Variants in ALMS1 observed in about 807,000 individuals in gnomAD.
ALMS1 encodes ALMS1 centrosome and basal body associated protein, also known as centrosome-associated protein ALMS1.
ALMS1 carries 271 observed loss-of-function variants against 352.2 expected under a neutral mutation model. That is an observed-to-expected ratio of 0.77 (90% CI 0.70 to 0.85). The LOEUF (loss-of-function observed/expected upper bound fraction) is 0.85. ALMS1 is among the 40% of genes least tolerant of loss of function. The pLI, the probability that ALMS1 is intolerant of heterozygous loss-of-function variation, is 0.00. For missense variants in ALMS1, 5,445 were observed against 4,870.7 expected, an observed-to-expected ratio of 1.12 and a Z score of -3.51; for synonymous variants, 1,865 against 1,761.2, an observed-to-expected ratio of 1.06 and a Z score of -1.48.
At position 73,490,724 on chromosome 2, in the gene ALMS1, T is replaced by C. The variant is rs201738475; in HGVS notation, c.8765T>C (p.Ile2922Thr). The C allele has an allele frequency of 5.2e-5, 84 of 1,614,064 alleles. No individual in the cohort carries two copies. In the African/African-American group the frequency reaches 9.6e-4, roughly 18 times the overall value. Residue 2922 changes from isoleucine (I) to threonine (T), a missense_variant, in exon 10 of 23, where the codon ATT becomes ACT. Transcript: ENST00000613296. ...DYVAPDLPSC[I>T]FLEQRELFEQ... ...GTAGCTCCAGACCTTCCTTCTTGCATTTTTCTTGAACAACGAGAACTCTTT... is the reference window on the plus strand; with the variant it reads ...GTAGCTCCAGACCTTCCTTCTTGCACTTTTCTTGAACAACGAGAACTCTTT...
chr2:73,521,904 G>A (rs1038753646), intron 11 of ALMS1, among the ~76,000 whole-genome samples: 5 of 152,148 alleles, frequency 3.3e-5, no homozygotes, highest in Non-Finnish European at 5.9e-5. Context: ...TGGGTCAAAA[G>A]TAAAATTTTA....
At chr2:73,552,425 A>G (rs966517479) in intron 13 of ALMS1, among the ~76,000 whole-genome samples, 5 of 152,230 alleles carry the variant, frequency 3.3e-5, no homozygotes, top group African/African-American at 9.6e-5. Context: ...GTTGAAACAG[A>G]TAAGCCTAAG....
At chr2:73,408,862 G>GTA (rs1300532075) in intron 2 of ALMS1, 115 bp downstream of exon 2, 17 of 177,832 alleles carry the variant, frequency 9.6e-5, no homozygotes, top group Non-Finnish European at 1.3e-4. Context: ...ATGTTTTCTT[G>GTA]TCTTTTTTTT....
At position 73,534,822 on chromosome 2, in the gene ALMS1, AG is replaced by A. The variant is rs1673992206; in HGVS notation, c.9782del. 1 of 1,613,056 alleles carries A rather than the reference AG, an allele frequency of 6.2e-7. No individual in the cohort carries two copies. The highest frequency in any genetic ancestry group is 1.1e-5 in the South Asian group (1 of 91,046). On this transcript the variant is annotated splice_acceptor_variant, in intron 11 of 22. Transcript: ENST00000613296. LOFTEE classifies it high-confidence loss of function. ...TAATTGTTCTGATTTTTACCTCCTT[AG>A]GCCAGCCTTTATTATTGCCATATAA...
intron 1 of ALMS1, among the ~76,000 whole-genome samples, chr2:73,397,765 A>G (rs1178231421): frequency 1.3e-5 from 2 of 152,114 alleles, no homozygotes; most frequent in African/African-American, 4.8e-5. Flanking sequence ...TTTGCTTTTA[A>G]ACAGACTTTA....
At position 73,453,438 on chromosome 2, in the gene ALMS1, A is replaced by G. The variant is rs1265138720; in HGVS notation, c.6911A>G (p.Lys2304Arg). The change falls in exon 8 of 23, where the codon AAA (lysine) becomes AGA (arginine). Residue 2304 changes from lysine (K) to arginine (R), a missense_variant. Coordinates refer to ENST00000613296, the MANE Select transcript of ALMS1 (RefSeq NM_001378454.1). The stretch of plus-strand genomic sequence containing the variant: ...CAATCTAAGAAGGTGGTTTGCTTCA[A>G]AGAACCCTCTTCCACGGGTGTATCT... ...FIQSKKVVCF[K>R]EPSSTGVSNG... The G allele has an allele frequency of 6.2e-7, 1 of 1,613,228 alleles. No individual in the cohort carries two copies. Among genetic ancestry groups the G allele is most frequent in the Non-Finnish European group, 8.5e-7 (1 of 1,179,578 alleles).
intron 20 of ALMS1, 116 bp downstream of exon 20, chr2:73,602,484 C>T: frequency 3.2e-6 from 4 of 1,267,036 alleles, no homozygotes; most frequent in Non-Finnish European, 3.4e-6. Flanking sequence ...AGACAGTGAC[C>T]TTTTGCTTGC....
At chr2:73,532,044 T>C (rs1023604457) in intron 11 of ALMS1, among the ~76,000 whole-genome samples, 3 of 152,236 alleles carry the variant, frequency 2.0e-5, no homozygotes, top group African/African-American at 7.2e-5. Flanking sequence ...TCCAGAAGAA[T>C]TCTCTGGATT....
chr2:73,573,059 A>G lies in ALMS1; in HGVS notation c.11182A>G (p.Asn3728Asp), dbSNP rs1674976303. ...KYILSKQPGF[N>D]YISNTSSDCR... The stretch of plus-strand genomic sequence containing the variant: ...TATTCTGAGTAAACAGCCAGGTTTT[A>G]ATTATATAAGCAACACTTCTTCGGA... The change falls in exon 16 of 23, where the codon AAT becomes GAT. Residue 3728 changes from asparagine (N) to aspartate (D), a missense_variant. By Grantham distance (23) the Asn-to-Asp change is conservative. Coordinates refer to ENST00000613296, the MANE Select transcript of ALMS1 (RefSeq NM_001378454.1). 3.1e-6 allele frequency: 5 copies of G among 1,613,986 alleles called. No individual in the cohort carries two copies. In the South Asian group the frequency reaches 5.5e-5, roughly 18 times the overall value.
Position 73,426,542 on chromosome 2 carries a change from C to G in ALMS1, c.1327C>G (p.Leu443Val). ...TGTATGCAGTGAAAGAGTTGCTGAA[C>G]TACAAAGAAAGGTGAGACACAATAA... ...AVVCSERVAE[L>V]QRKPTRESEY... Residue 443 changes from leucine to valine, a missense_variant, in exon 6 of 23, where the codon CTA becomes GTA. Coordinates refer to ENST00000613296, the MANE Select transcript of ALMS1 (RefSeq NM_001378454.1). 6.2e-7 allele frequency: 1 copy of G among 1,613,974 alleles called. No homozygotes were observed. Among genetic ancestry groups the G allele is most frequent in the Admixed American group, 1.7e-5 (1 of 60,024 alleles).
chr2:73,411,431 C>T (rs1283403968), intron 2 of ALMS1, among the ~76,000 whole-genome samples: 2 of 152,114 alleles, frequency 1.3e-5, no homozygotes, highest in African/African-American at 2.4e-5. Flanking sequence ...TAGTTTGTGT[C>T]ACTTTGTTAT....
chr2:73,467,814 G>T (rs1320651398), intron 9 of ALMS1, among the ~76,000 whole-genome samples: 1 of 151,966 alleles, frequency 6.6e-6, no homozygotes, highest in African/African-American at 2.4e-5. Flanking sequence ...ACACGTTATG[G>T]TTAGCAAAAA....
rs777844728 is a variant in ALMS1 at position 73,385,932 on chromosome 2, G to GAGA, written c.66_67insAAG (p.Glu22_Glu23insLys). The GAGA allele has an allele frequency of 3.2e-5, 35 of 1,096,162 alleles. No homozygotes were observed. The highest frequency in any genetic ancestry group is 3.0e-5 in the Non-Finnish European group (22 of 736,428). The allele number at this position is 1,096,162 out of a possible 1,614,324, so 67.9% of individuals were successfully genotyped here. ...GGAGGAGGAGGAGGAGGAGGAGGAG[G>GAGA]AGGAGGAGGAAGAGGAGGAGGCTGC... On this transcript the variant is annotated inframe_insertion, in exon 1 of 23. Coordinates refer to ENST00000613296, the MANE Select transcript of ALMS1 (RefSeq NM_001378454.1).
chr2:73,477,911 A>C (rs932006878), intron 9 of ALMS1, among the ~76,000 whole-genome samples: 1 of 152,116 alleles, frequency 6.6e-6, no homozygotes, highest in Non-Finnish European at 1.5e-5. Context: ...TCATCTGCAA[A>C]TAGATATAGT....
At chr2:73,391,385 C>T (rs979936017) in intron 1 of ALMS1, among the ~76,000 whole-genome samples, 2 of 147,076 alleles carry the variant, frequency 1.4e-5, no homozygotes, top group Non-Finnish European at 3.0e-5. Flanking sequence ...ACTCAGCCTC[C>T]CGAGTTCATG....
Position 73,603,235 on chromosome 2 carries a change from G to A in ALMS1, c.12299-6G>A, listed in dbSNP as rs771317399. 2 of 1,613,836 alleles carry A rather than the reference G, an allele frequency of 1.2e-6. No homozygotes were observed. The highest frequency in any genetic ancestry group is 2.7e-5 in the African/African-American group (2 of 74,888). On this transcript the variant is annotated splice_region_variant and splice_polypyrimidine_tract_variant and intron_variant, in intron 20 of 22. Coordinates refer to ENST00000613296, the MANE Select transcript of ALMS1 (RefSeq NM_001378454.1). ...TCCACTGAAAACCCTTTCTTCTCTT[G>A]CCTAGTCTTCCTGGCTATCCAGAAG...
intron 6 of ALMS1, among the ~76,000 whole-genome samples, chr2:73,429,957 G>C (rs901464713): frequency 6.6e-6 from 1 of 151,966 alleles, no homozygotes; most frequent in African/African-American, 2.4e-5. Context: ...GAAGATAAAC[G>C]AATCTTGATT....
At chr2:73,566,871 G>A (rs1674812189) in intron 15 of ALMS1, among the ~76,000 whole-genome samples, 1 of 152,146 alleles carries the variant, frequency 6.6e-6, no homozygotes, top group Non-Finnish European at 1.5e-5. Context: ...GAAAACTTAG[G>A]GAACATTTTC....
chr2:73,450,860 CAT>C lies in ALMS1; in HGVS notation c.4335_4336del (p.His1445GlnfsTer5). 1.2e-6 allele frequency: 2 copies of C among 1,614,088 alleles called. No homozygotes were observed. The highest frequency in any genetic ancestry group is 1.7e-6 in the Non-Finnish European group (2 of 1,179,996). On this transcript the variant is annotated frameshift_variant, in exon 8 of 23. Coordinates refer to ENST00000613296, the MANE Select transcript of ALMS1 (RefSeq NM_001378454.1). LOFTEE classifies it high-confidence loss of function. Reference protein sequence around the residue: ...PGSFYQQVLPHSHLPEEALEV... With the variant: ...PGSFYQQVLPXSHLPEEALEV... ...TAGTTTCTACCAACAGGTCTTGCCA[CAT>C]AGTCATCTACCTGAAGAGGCTTTGG...
Sources: gnomAD v4.1 joint callset for allele counts (sites outside exome capture counted in the v4.1 genomes callset) on GRCh38, gnomAD v4.1.1 for gene constraint, MANE v1.5 for transcripts, NCBI Gene and HGNC (gene_info 2026-07-23, HGNC 2026-07-21) for gene names.